Variants in PIGR observed in about 807,000 individuals in gnomAD.
PIGR encodes the protein polymeric immunoglobulin receptor.
Under a neutral mutation model 69.5 loss-of-function variants are expected in PIGR, and 22 were observed. That is an observed-to-expected ratio of 0.32 (90% CI 0.23 to 0.45). The LOEUF is 0.45. PIGR is among the 20% of genes least tolerant of loss of function. PIGR has a pLI of 1.00. For synonymous variants in PIGR, 413 were observed against 407.6 expected (o/e 1.01, Z -0.16); for missense variants, 885 against 974.0 (o/e 0.91, Z 1.22).
chr1:206,940,947 C>A (rs1423749836), intron 1 of PIGR, among the ~76,000 whole-genome samples: 1 of 152,214 alleles, frequency 6.6e-6, no homozygotes, highest in East Asian at 1.9e-4. Context: ...TGGCCCCCAT[C>A]TCTCTGTTTC....
intron 3 of PIGR, 127 bp downstream of exon 3, chr1:206,938,992 A>G: frequency 1.3e-6 from 1 of 744,224 alleles, no homozygotes; most frequent in Non-Finnish European, 2.2e-6. Context: ...GCCTGGGGAA[A>G]GGGGTGCCTT....
At chr1:206,933,728 G>A (rs776330154) in intron 6 of PIGR, among the ~76,000 whole-genome samples, 3 of 152,150 alleles carry the variant, frequency 2.0e-5, no homozygotes, top group Non-Finnish European at 4.4e-5. Context: ...GCCCTCTTTC[G>A]AGGGCGAGCT....
intron 3 of PIGR, among the ~76,000 whole-genome samples, chr1:206,938,630 ATAAT>A (rs1465479542): frequency 6.6e-6 from 1 of 152,198 alleles, no homozygotes; most frequent in African/African-American, 2.4e-5. Flanking sequence ...TCAAGATCTA[ATAAT>A]CTAATTTACC....
intron 4 of PIGR, 23 bp downstream of exon 4, chr1:206,937,072 C>T: frequency 6.5e-7 from 1 of 1,545,998 alleles, no homozygotes; most frequent in Non-Finnish European, 8.7e-7. Context: ...CCACCTACTC[C>T]CCCTCCCTCT....
At chr1:206,944,727 G>T (rs1200856541) in intron 1 of PIGR, among the ~76,000 whole-genome samples, 1 of 152,182 alleles carries the variant, frequency 6.6e-6, no homozygotes, top group Non-Finnish European at 1.5e-5. Flanking sequence ...ATAGATGAAG[G>T]TCTCTGCTGA....
intron 10 of PIGR, chr1:206,931,018 G>T: frequency 1.0e-6 from 1 of 985,392 alleles, no homozygotes; most frequent in Non-Finnish European, 1.2e-6. Context: ...GCCTCTGGTG[G>T]GGCTTCAAGA....
intron 3 of PIGR, among the ~76,000 whole-genome samples, chr1:206,938,595 A>G (rs1332022366): frequency 6.6e-6 from 1 of 152,148 alleles, no homozygotes; most frequent in Non-Finnish European, 1.5e-5. Context: ...TTAGCAACCC[A>G]TCCTTTCAGG....
At position 206,935,463 on chromosome 1, in the gene PIGR, TC is replaced by T. The variant is rs2102599331; in HGVS notation, c.1378+22del. 1 of 1,583,112 alleles carries T rather than the reference TC, an allele frequency of 6.3e-7. No individual in the cohort carries two copies. The highest frequency in any genetic ancestry group is 2.2e-5 in the East Asian group (1 of 44,498). ...GCTGGCTGGAGAGGTTTTAGAGCTT[TC>T]TCCCTCCCTGTCAACTCCTACCTTC... On this transcript the variant is annotated intron_variant, in intron 5 of 10. Coordinates refer to ENST00000356495, the MANE Select transcript of PIGR (RefSeq NM_002644.4). This position sits in a 1 kb window ranked among gnomAD's most constrained non-coding sequence, Gnocchi z 4.4.
At position 206,937,133 on chromosome 1, in the gene PIGR, C is replaced by G; in HGVS notation, c.1007G>C (p.Gly336Ala). The change falls in exon 4 of 11, where the codon GGC (glycine) becomes GCC (alanine). Residue 336 changes from glycine (G) to alanine (A), a missense_variant. Physicochemically the swap from Gly to Ala is moderately conservative, Grantham distance 60 (BLOSUM62 0). Transcript: ENST00000356495. ...GAHSDGQLQE[G>A]SPIQAWQLFV... The stretch of plus-strand genomic sequence containing the variant: ...GAGTTGCCAGGCCTGGATAGGCGAG[C>G]CTTCCTGCAGCTGACCATCCGAATG... 1 of 1,610,596 alleles carries G rather than the reference C, an allele frequency of 6.2e-7. No individual in the cohort carries two copies. The highest frequency in any genetic ancestry group is 8.5e-7 in the Non-Finnish European group (1 of 1,178,254).
At position 206,932,596 on chromosome 1, in the gene PIGR, T is replaced by G; in HGVS notation, c.1887-19A>C. 1 of 1,602,320 alleles carries G rather than the reference T, an allele frequency of 6.2e-7. No homozygotes were observed. The highest frequency in any genetic ancestry group is 8.5e-7 in the Non-Finnish European group (1 of 1,174,310). The stretch of plus-strand genomic sequence containing the variant: ...CTCAGAGCTGGAAGAAGGCTTAAGT[T>G]AGTTCATCCCTGGAAGGGAGATCTG... On this transcript the variant is annotated intron_variant, in intron 7 of 10. Transcript: ENST00000356495.
intron 5 of PIGR, 29 bp from the exon 6 acceptor site, chr1:206,934,775 C>A (rs758002899): frequency 1.3e-6 from 2 of 1,554,004 alleles, no homozygotes; most frequent in Admixed American, 3.4e-5. Context: ...TAGAAATAAA[C>A]ACAGAAGTTG....
chr1:206,940,951 C>G (rs2102603201), intron 1 of PIGR, among the ~76,000 whole-genome samples: 1 of 152,316 alleles, frequency 6.6e-6, no homozygotes, highest in African/African-American at 2.4e-5. Flanking sequence ...CCCCATCTCT[C>G]TGTTTCAGCT....
intron 1 of PIGR, among the ~76,000 whole-genome samples, chr1:206,943,626 A>T (rs1384945554): frequency 3.3e-5 from 5 of 152,238 alleles, no homozygotes; most frequent in Non-Finnish European, 5.9e-5. Flanking sequence ...AAGTGACTGC[A>T]CTTCATCTCT....
chr1:206,930,510 T>C lies in PIGR; in HGVS notation c.2200-97A>G. ...GCTTAATGTCCTGAATTCGTGATCT[T>C]GGTCCAAGCAACACAAGCCTTTGGG... On this transcript the variant is annotated intron_variant, in intron 10 of 10. Transcript: ENST00000356495. This position sits in a 1 kb window ranked among gnomAD's most constrained non-coding sequence, Gnocchi z 4.3. The C allele has an allele frequency of 6.9e-7, 1 of 1,452,602 alleles. No homozygotes were observed. Among genetic ancestry groups the C allele is most frequent in the East Asian group, 2.5e-5 (1 of 39,420 alleles). The allele number at this position is 1,452,602 out of a possible 1,614,324, so 90.0% of individuals were successfully genotyped here.
In PIGR at chr1:206,935,468, C is replaced by A; in HGVS notation, c.1378+18G>T. The A allele has an allele frequency of 6.3e-7, 1 of 1,591,964 alleles. No individual in the cohort carries two copies. Among genetic ancestry groups the A allele is most frequent in the Non-Finnish European group, 8.6e-7 (1 of 1,163,822 alleles). Reference sequence around the variant, plus strand: ...CTGGAGAGGTTTTAGAGCTTTCTCCCTCCCTGTCAACTCCTACCTTCGATA... The same window carrying A: ...CTGGAGAGGTTTTAGAGCTTTCTCCATCCCTGTCAACTCCTACCTTCGATA... On this transcript the variant is annotated intron_variant, in intron 5 of 10. Transcript: ENST00000356495. This position sits in a 1 kb window ranked among gnomAD's most constrained non-coding sequence, Gnocchi z 4.4.
intron 6 of PIGR, among the ~76,000 whole-genome samples, chr1:206,933,382 TG>T: frequency 6.6e-6 from 1 of 152,280 alleles, no homozygotes; most frequent in Non-Finnish European, 1.5e-5. Context: ...AAAAGTATAG[TG>T]GGGACCTTCA....
rs916850061 is a variant in PIGR, at chr1:206,930,707, A to G, written c.2200-294T>C. 14 of 985,240 alleles carry G rather than the reference A, an allele frequency of 1.4e-5. No homozygotes were observed. The African/African-American group carries it at 2.3e-4, about 16-fold the overall frequency. 61.0% of individuals were successfully genotyped at this position (985,240 alleles called of 1,614,324 possible). On this transcript the variant is annotated intron_variant, in intron 10 of 10. Coordinates refer to ENST00000356495, the MANE Select transcript of PIGR (RefSeq NM_002644.4). The surrounding 1 kb of genome is among the most constrained non-coding windows in gnomAD (Gnocchi z 4.3). ...TCCCCGGAAGCTGCCCACACAGTCC[A>G]CGGGCAAGGTGGCCTAGGCTGGGGT...
intron 4 of PIGR, among the ~76,000 whole-genome samples, chr1:206,936,290 G>A (rs1354766127): frequency 2.6e-5 from 4 of 152,210 alleles, no homozygotes; most frequent in Non-Finnish European, 5.9e-5. Flanking sequence ...AATTGTTGGG[G>A]CCCCAAGGGG....
chr1:206,944,256 T>C (rs1021850154), intron 1 of PIGR, among the ~76,000 whole-genome samples: 3 of 152,032 alleles, frequency 2.0e-5, no homozygotes, highest in Admixed American at 1.3e-4. Context: ...GGGTGGATCA[T>C]GAGGTCAGGA....
Sources: allele counts gnomAD v4.1 joint callset (sites outside exome capture counted in the v4.1 genomes callset), GRCh38; gene constraint gnomAD v4.1.1; non-coding constraint Gnocchi (gnomAD v3.1); transcripts MANE v1.5; gene names NCBI Gene and HGNC (gene_info 2026-07-23, HGNC 2026-07-21).